The following ADK variants were observed in gnomAD, a reference collection of about 807,000 sequenced individuals.
ADK encodes the protein N6,N6-dimethyladenosine kinase.
ADK carries 24 observed loss-of-function variants against 44.7 expected under a neutral mutation model. That is an observed-to-expected ratio of 0.54 (90% CI 0.39 to 0.76). The LOEUF (loss-of-function observed/expected upper bound fraction) is 0.76. Among genes scored for constraint, ADK ranks in the 30% least tolerant of loss-of-function variants. ADK has a pLI of 0.00. For missense variants in ADK, 321 were observed against 425.1 expected, an observed-to-expected ratio of 0.76 and a Z score of 2.15; for synonymous variants, 128 against 142.6, an observed-to-expected ratio of 0.90 and a Z score of 0.73.
chr10:74,477,152 A>C (rs559358167), intron 6 of ADK, among the ~76,000 whole-genome samples: 11 of 152,242 alleles, frequency 7.2e-5, no homozygotes, highest in African/African-American at 2.4e-4. Flanking sequence ...ATTTTTATTC[A>C]AGTGACCACA....
At chr10:74,235,143 T>TG in intron 3 of ADK, among the ~76,000 whole-genome samples, 1 of 151,072 alleles carries the variant, frequency 6.6e-6, no homozygotes, top group East Asian at 1.9e-4. Context: ...TTTTTTTTTT[T>TG]TCTGAAACTT....
At position 74,166,128 on chromosome 10, in the gene ADK, C is replaced by T. The variant is rs918111978; in HGVS notation, c.65+14785C>T. On this transcript the variant is annotated intron_variant, in intron 1 of 10. Transcript: ENST00000539909. The stretch of plus-strand genomic sequence containing the variant: ...TGAATTTTTGTATTTTTAGTAGAGA[C>T]GGGGTTTCACTGTGTTGGCCTGGCT... Among the ~76,000 whole-genome samples the T allele has an allele frequency of 3.3e-5, 5 of 151,860 alleles. No individual in the cohort carries two copies. The East Asian group carries it at 5.8e-4, about 18-fold the overall frequency.
chr10:74,604,225 C>T (rs1852238605), intron 9 of ADK, among the ~76,000 whole-genome samples: 1 of 152,202 alleles, frequency 6.6e-6, no homozygotes, highest in Non-Finnish European at 1.5e-5. Context: ...ATGATAGTTT[C>T]ATTTGCTGTG....
At chr10:74,699,398 C>G (rs1161660898) in intron 10 of ADK, among the ~76,000 whole-genome samples, 3 of 151,724 alleles carry the variant, frequency 2.0e-5, no homozygotes, top group African/African-American at 7.3e-5. Context: ...TAGAGTGAGG[C>G]CAGGCATGGT....
chr10:74,673,258 A>G (rs1855249564), intron 10 of ADK, among the ~76,000 whole-genome samples: 1 of 152,268 alleles, frequency 6.6e-6, no homozygotes, highest in South Asian at 2.1e-4. Flanking sequence ...CGATTGCACT[A>G]CAGAGATACA....
chr10:74,672,171 A>T (rs1471452162), intron 10 of ADK, among the ~76,000 whole-genome samples: 1 of 152,226 alleles, frequency 6.6e-6, no homozygotes, highest in Non-Finnish European at 1.5e-5. Flanking sequence ...AAAAAAGAAA[A>T]AGAGTATAGA....
chr10:74,570,327 T>G (rs1220867560), intron 7 of ADK, among the ~76,000 whole-genome samples: 1 of 152,220 alleles, frequency 6.6e-6, no homozygotes. Flanking sequence ...ATTGGCAGTT[T>G]GATGGGGATG....
At chr10:74,567,219 G>A (rs555747347) in intron 7 of ADK, among the ~76,000 whole-genome samples, 1 of 152,192 alleles carries the variant, frequency 6.6e-6, no homozygotes, top group Middle Eastern at 3.4e-3. Context: ...CTTGGAATTT[G>A]TCATTTCTAT....
intron 4 of ADK, among the ~76,000 whole-genome samples, chr10:74,338,411 TGA>T (rs1354473626): frequency 2.0e-5 from 3 of 152,190 alleles, no homozygotes; most frequent in Non-Finnish European, 4.4e-5. Context: ...ATCATATTCC[TGA>T]GTATTTAACA....
intron 10 of ADK, among the ~76,000 whole-genome samples, chr10:74,697,166 A>G (rs1856238670): frequency 6.6e-6 from 1 of 152,248 alleles, no homozygotes; most frequent in Non-Finnish European, 1.5e-5. Context: ...AGATAAAAAT[A>G]GAGCCACTGA....
chr10:74,616,899 T>G (rs1194050174), intron 9 of ADK, among the ~76,000 whole-genome samples: 1 of 152,162 alleles, frequency 6.6e-6, no homozygotes, highest in Non-Finnish European at 1.5e-5. Flanking sequence ...GGATGTTTTT[T>G]TCTTTTCAGT....
chr10:74,248,683 T>C (rs539180037), intron 3 of ADK, among the ~76,000 whole-genome samples: 2 of 152,328 alleles, frequency 1.3e-5, no homozygotes, highest in Admixed American at 1.3e-4. Context: ...TGTTTGAGTA[T>C]ACTTGTTCAA....
At chr10:74,198,849 T>C (rs186511103) in intron 1 of ADK, among the ~76,000 whole-genome samples, 81 of 152,226 alleles carry the variant, frequency 5.3e-4, no homozygotes, top group African/African-American at 1.9e-3. Flanking sequence ...TGTTGATTTG[T>C]TTGTTTTTGT....
At chr10:74,200,639 T>G (rs912378534) in intron 1 of ADK, 125 bp from the exon 2 acceptor site, 1 of 711,064 alleles carries the variant, frequency 1.4e-6, no homozygotes, top group Admixed American at 2.1e-5. Context: ...ATCAAATGTT[T>G]AATAAACTGG....
chr10:74,216,183 T>C lies in ADK; in HGVS notation c.141-8355T>C, dbSNP rs189864429. 2.2e-3 allele frequency among the ~76,000 whole-genome samples: 333 copies of C among 152,288 alleles called. 2 individuals carry two copies. Among genetic ancestry groups the C allele is most frequent in the African/African-American group, 7.6e-3 (315 of 41,564 alleles). ...CTGTAACATGCATACATTATGAAGG[T>C]AGTATATTTTTATGCATTACAGTCT... On this transcript the variant is annotated intron_variant, in intron 2 of 10. Transcript: ENST00000539909.
chr10:74,483,365 T>C (rs1411020695), intron 6 of ADK, among the ~76,000 whole-genome samples: 1 of 152,174 alleles, frequency 6.6e-6, no homozygotes, highest in Non-Finnish European at 1.5e-5. Flanking sequence ...GAGCCTGGCC[T>C]AGGAAAGCAC....
chr10:74,682,081 A>G (rs960495485), intron 10 of ADK, among the ~76,000 whole-genome samples: 2 of 152,200 alleles, frequency 1.3e-5, no homozygotes, highest in Non-Finnish European at 2.9e-5. Context: ...ATACTGACTC[A>G]GTGTTGTACA....
At chr10:74,695,306 A>C (rs1856135905) in intron 10 of ADK, among the ~76,000 whole-genome samples, 1 of 152,136 alleles carries the variant, frequency 6.6e-6, no homozygotes, top group African/African-American at 2.4e-5. Context: ...TTTGTATTGA[A>C]TGTTATCTTC....
intron 7 of ADK, chr10:74,530,580 C>T (rs540563217): frequency 1.3e-5 from 2 of 152,130 alleles, no homozygotes; most frequent in Admixed American, 6.5e-5. Flanking sequence ...ATAAGATAAA[C>T]CTGATGATTA....
Sources: gnomAD v4.1 joint callset for allele counts (sites outside exome capture counted in the v4.1 genomes callset) on GRCh38, gnomAD v4.1.1 for gene constraint, MANE v1.5 for transcripts, NCBI Gene and HGNC (gene_info 2026-07-23, HGNC 2026-07-21) for gene names.